The following ESYT3 variants were observed in gnomAD, a reference collection of about 807,000 sequenced individuals.
ESYT3 encodes extended synaptotagmin-3.
A neutral mutation model predicts 111.5 loss-of-function variants in ESYT3; 101 were observed. The ratio of observed to expected loss-of-function variants is 0.91; its 90% CI spans 0.77 to 1.07. The LOEUF (loss-of-function observed/expected upper bound fraction) is 1.07, where lower values mean the gene tolerates loss of function less well. Ranked by LOEUF, ESYT3 falls within the 50% of genes least tolerant of loss-of-function variation. The pLI, the probability that ESYT3 is intolerant of heterozygous loss-of-function variation, is 0.00. For missense variants in ESYT3, 1,097 were observed against 1,109.4 expected (o/e 0.99, Z 0.16); for synonymous variants, 416 against 446.8 (o/e 0.93, Z 0.87).
At chr3:138,455,442 G>GTAAGGTCCAGT in intron 3 of ESYT3, 114 bp downstream of exon 3, 1 of 1,175,344 alleles carries the variant, frequency 8.5e-7, no homozygotes, top group Non-Finnish European at 1.2e-6. Flanking sequence ...AGATCCCACT[G>GTAAGGTCCAGT]GACCTTACAG....
chr3:138,460,562 C>T lies in ESYT3; in HGVS notation c.739-49C>T, dbSNP rs762144196. ...GGCTCTTGGCAGGGGGTTCTCAGCCCTGGGCTCCCAACCCTTTCCAGCCTA... is the reference window on the plus strand; with the variant it reads ...GGCTCTTGGCAGGGGGTTCTCAGCCTTGGGCTCCCAACCCTTTCCAGCCTA... On this transcript the variant is annotated intron_variant, in intron 6 of 22. Transcript: ENST00000389567. 32 of 1,602,658 alleles carry T rather than the reference C, an allele frequency of 2.0e-5. No individual in the cohort carries two copies. In the South Asian group the frequency reaches 3.4e-4, roughly 17 times the overall value.
At chr3:138,443,021 T>G (rs1340506737) in intron 1 of ESYT3, among the ~76,000 whole-genome samples, 1 of 152,196 alleles carries the variant, frequency 6.6e-6, no homozygotes, top group African/African-American at 2.4e-5. Context: ...CTATCATCGC[T>G]TAGGTCCCCT....
rs2033384222 is a variant in ESYT3, at chr3:138,474,308, G to A, written c.2424G>A (p.Lys808=). ...AAAGGAAGTGGGCATGTCGTAAGAA[G>A]ACTTCAGTGAAGCGGAAGACCTTGG... ...LPERKWACRK[K]TSVKRKTLEP... is the part of the protein sequence containing the mutation. Residue 808 remains lysine, a synonymous_variant, in exon 20 of 23, where the codon AAG becomes AAA. Transcript: ENST00000389567. 2.0e-5 allele frequency: 32 copies of A among 1,604,954 alleles called. No individual in the cohort carries two copies. The highest frequency in any genetic ancestry group is 2.7e-5 in the Non-Finnish European group (32 of 1,177,780).
chr3:138,457,338 G>C (rs1253246857), intron 3 of ESYT3, among the ~76,000 whole-genome samples: 1 of 152,188 alleles, frequency 6.6e-6, no homozygotes, highest in Non-Finnish European at 1.5e-5. Context: ...CCTGGCCTCA[G>C]GGCCACTCTG....
intron 5 of ESYT3, 66 bp from the exon 6 acceptor site, chr3:138,459,879 C>G: frequency 6.9e-7 from 1 of 1,442,362 alleles, no homozygotes; most frequent in Non-Finnish European, 9.7e-7. Flanking sequence ...ATGGCCTCAG[C>G]TGAGCCCAGC....
At chr3:138,460,972 A>G (rs1343556184) in intron 7 of ESYT3, among the ~76,000 whole-genome samples, 1 of 151,958 alleles carries the variant, frequency 6.6e-6, no homozygotes, top group East Asian at 1.9e-4. Flanking sequence ...GTGCAGGGGG[A>G]GAGTGGCTCT....
chr3:138,452,134 C>T (rs2031979419), intron 2 of ESYT3, 45 bp downstream of exon 2: 2 of 1,590,476 alleles, frequency 1.3e-6, no homozygotes, highest in African/African-American at 2.7e-5. Context: ...GCATGCCAGC[C>T]TCGTCCTCCC....
chr3:138,473,688 A>T (rs2033352479), intron 19 of ESYT3, 54 bp downstream of exon 19: 1 of 1,464,814 alleles, frequency 6.8e-7, no homozygotes, highest in African/African-American at 1.4e-5. Context: ...GTGACCATAA[A>T]TCAGAGTAGG....
chr3:138,478,183 A>T lies in ESYT3; in HGVS notation c.*1329A>T, dbSNP rs144995055. On this transcript the variant is annotated 3_prime_UTR_variant, in exon 23 of 23. Coordinates refer to ENST00000389567, the MANE Select transcript of ESYT3 (RefSeq NM_031913.5). ...CACTAAGTTTTAAGAAATGTTGATTAGGCATCTGCTAAGGTTACATGCTAA... is the reference window on the plus strand; with the variant it reads ...CACTAAGTTTTAAGAAATGTTGATTTGGCATCTGCTAAGGTTACATGCTAA... 1 of 152,220 alleles carries T rather than the reference A, an allele frequency of 6.6e-6. No individual in the cohort carries two copies. Among genetic ancestry groups the T allele is most frequent in the Non-Finnish European group, 1.5e-5 (1 of 68,036 alleles). The allele number at this position is 152,220 out of a possible 1,614,324, so 9.4% of individuals were successfully genotyped here. A position where few individuals can be genotyped will look rare whatever the true frequency, so the allele number is the denominator to read the frequency against.
rs139570944 is a variant in ESYT3 at position 138,457,581 on chromosome 3, A to G, written c.518A>G (p.Asn173Ser). Residue 173 changes from asparagine (N) to serine (S), a missense_variant, in exon 4 of 23, where the codon AAC becomes AGC. Transcript: ENST00000389567. Reference sequence around the variant, plus strand: ...CATTTCTTCCAGTGTCCCAGGGTCAACGGTGTCAAGGCACACACTAATACG... The same window carrying G: ...CATTTCTTCCAGTGTCCCAGGGTCAGCGGTGTCAAGGCACACACTAATACG... ...LYFGQKCPRV[N>S]GVKAHTNTCN... 38 of 1,614,054 alleles carry G rather than the reference A, an allele frequency of 2.4e-5. No homozygotes were observed. The highest frequency in any genetic ancestry group is 1.1e-4 in the East Asian group (5 of 44,898).
chr3:138,442,418 A>G (rs895742128), intron 1 of ESYT3, among the ~76,000 whole-genome samples: 7 of 152,088 alleles, frequency 4.6e-5, no homozygotes, highest in African/African-American at 1.7e-4. Context: ...TCTAACATTG[A>G]TTATATTGGT....
At position 138,474,121 on chromosome 3, in the gene ESYT3, G is replaced by C. The variant is rs1020477065; in HGVS notation, c.2337-100G>C. 312 of 1,462,820 alleles carry C rather than the reference G, an allele frequency of 2.1e-4. 2 individuals are homozygous for C. In the South Asian group the frequency reaches 3.7e-3, roughly 17 times the overall value. 90.6% of individuals were successfully genotyped at this position (1,462,820 alleles called of 1,614,324 possible). A position where few individuals can be genotyped will look rare whatever the true frequency, so the allele number is the denominator to read the frequency against. ...TAATATAGCCTTCTCTCAAATGTTT[G>C]AAGTGTTTGAAACTCTCAAACACTG... On this transcript the variant is annotated intron_variant, in intron 19 of 22. Transcript: ENST00000389567.
intron 7 of ESYT3, among the ~76,000 whole-genome samples, 179 bp downstream of exon 7, chr3:138,460,845 G>A (rs1413214924): frequency 6.6e-6 from 1 of 152,116 alleles, no homozygotes; most frequent in Non-Finnish European, 1.5e-5. Flanking sequence ...CTGTGGGTGG[G>A]CACTGTGCCC....
chr3:138,456,098 C>T (rs1305590763), intron 3 of ESYT3, among the ~76,000 whole-genome samples: 1 of 152,264 alleles, frequency 6.6e-6, no homozygotes, highest in African/African-American at 2.4e-5. Flanking sequence ...TCCTGGCTAG[C>T]CCCTGGGCAG....
intron 3 of ESYT3, 47 bp downstream of exon 3, chr3:138,455,375 C>T (rs1438079688): frequency 5.0e-6 from 8 of 1,605,106 alleles, no homozygotes; most frequent in Non-Finnish European, 6.8e-6. Context: ...GTGCAGTCTT[C>T]TCTCTGTTCC....
In ESYT3 at chr3:138,440,198, G is replaced by A. The variant is rs531942278; in HGVS notation, c.327+5073G>A. ...TAACTGGGTGCGCACTGGGGCTGCC[G>A]GCAGAAGCAAGCACCAGGGGAAAAA... On this transcript the variant is annotated intron_variant, in intron 1 of 22. Transcript: ENST00000389567. This position sits in a 1 kb window ranked among gnomAD's most constrained non-coding sequence, Gnocchi z 4.2. Among the ~76,000 whole-genome samples the A allele has an allele frequency of 9.8e-5, 15 of 152,310 alleles. No homozygotes were observed. In the South Asian group the frequency reaches 1.4e-3, roughly 15 times the overall value.
At chr3:138,450,431 C>T (rs1481244464) in intron 1 of ESYT3, among the ~76,000 whole-genome samples, 1 of 152,212 alleles carries the variant, frequency 6.6e-6, no homozygotes, top group Non-Finnish European at 1.5e-5. Context: ...AATTCCTTCC[C>T]GCATCGATCT....
chr3:138,460,715 C>T, intron 7 of ESYT3, 49 bp downstream of exon 7: 2 of 1,579,784 alleles, frequency 1.3e-6, no homozygotes, highest in Non-Finnish European at 1.7e-6. Flanking sequence ...TGGGGGCCTC[C>T]AGGGCTCTGC....
At chr3:138,471,049 G>T (rs1388393195) in intron 17 of ESYT3, 23 bp downstream of exon 17, 2 of 1,599,288 alleles carry the variant, frequency 1.3e-6, no homozygotes, top group Non-Finnish European at 1.7e-6. Flanking sequence ...GGTCCCCTGG[G>T]GGAGGGGAGG....
Sources: gnomAD v4.1 joint callset for allele counts (sites outside exome capture counted in the v4.1 genomes callset) on GRCh38, gnomAD v4.1.1 for gene constraint, Gnocchi (gnomAD v3.1) non-coding constraint, MANE v1.5 for transcripts, NCBI Gene and HGNC (gene_info 2026-07-23, HGNC 2026-07-21) for gene names.